Variants in LRFN5 observed in about 807,000 individuals in gnomAD.
LRFN5 encodes leucine-rich repeat and fibronectin type-III domain-containing protein 5.
LRFN5 carries 24 observed loss-of-function variants against 45.6 expected under a neutral mutation model. That is an observed-to-expected ratio of 0.53 (90% CI 0.38 to 0.74). The LOEUF (loss-of-function observed/expected upper bound fraction) is 0.74. LRFN5 is among the 30% of genes least tolerant of loss of function. The pLI is 0.00. For missense variants in LRFN5, 776 were observed against 861.5 expected, an observed-to-expected ratio of 0.90 and a Z score of 1.24; for synonymous variants, 340 against 313.8, an observed-to-expected ratio of 1.08 and a Z score of -0.88.
intron 1 of LRFN5, among the ~76,000 whole-genome samples, chr14:41,708,566 A>G (rs1883158447): frequency 6.6e-6 from 1 of 152,062 alleles, no homozygotes; most frequent in Non-Finnish European, 1.5e-5. Flanking sequence ...CAAGATTCAA[A>G]TAAATTCCAA....
intron 2 of LRFN5, among the ~76,000 whole-genome samples, chr14:41,833,559 C>T (rs1393452918): frequency 6.6e-6 from 1 of 152,184 alleles, no homozygotes; most frequent in African/African-American, 2.4e-5. Context: ...GCCTGCTGAG[C>T]AGAGTTTCCT....
At chr14:41,739,179 A>G (rs370947366) in intron 1 of LRFN5, among the ~76,000 whole-genome samples, 7 of 152,280 alleles carry the variant, frequency 4.6e-5, no homozygotes, top group African/African-American at 1.7e-4. Context: ...TGAACTCAGG[A>G]GTCTGAGGCA....
chr14:41,831,846 A>T (rs2139034823), intron 2 of LRFN5, among the ~76,000 whole-genome samples: 1 of 152,190 alleles, frequency 6.6e-6, no homozygotes, highest in Middle Eastern at 3.4e-3. Context: ...GCTTTTATAT[A>T]TTACAATTCT....
At chr14:41,876,022 T>G (rs1204574247) in intron 2 of LRFN5, among the ~76,000 whole-genome samples, 6 of 152,106 alleles carry the variant, frequency 3.9e-5, no homozygotes, top group African/African-American at 1.4e-4. Context: ...TACATATGTA[T>G]ACATGTAAGG....
chr14:41,684,750 T>G (rs1388040996), intron 1 of LRFN5, among the ~76,000 whole-genome samples: 1 of 152,210 alleles, frequency 6.6e-6, no homozygotes, highest in Non-Finnish European at 1.5e-5. Context: ...GCAAAGGTAT[T>G]TTGAGTAATA....
chr14:41,889,060 C>T (rs1217177797), intron 3 of LRFN5, among the ~76,000 whole-genome samples: 1 of 145,530 alleles, frequency 6.9e-6, no homozygotes, highest in Non-Finnish European at 1.5e-5. Flanking sequence ...TATATATATA[C>T]ACACATATAG....
At chr14:41,648,737 C>G (rs1264805340) in intron 1 of LRFN5, among the ~76,000 whole-genome samples, 1 of 152,024 alleles carries the variant, frequency 6.6e-6, no homozygotes, top group Non-Finnish European at 1.5e-5. Context: ...ACCTCCCCTC[C>G]ACTCCGCCCT....
chr14:41,879,090 TA>T (rs1890284951), intron 2 of LRFN5, among the ~76,000 whole-genome samples: 1 of 152,110 alleles, frequency 6.6e-6, no homozygotes. Context: ...GTCCAGATTT[TA>T]TTGTACACTT....
At chr14:41,870,543 G>T (rs1889983903) in intron 2 of LRFN5, among the ~76,000 whole-genome samples, 1 of 152,086 alleles carries the variant, frequency 6.6e-6, no homozygotes, top group Admixed American at 6.6e-5. Flanking sequence ...AAAACCATCA[G>T]GTTTCTTGAG....
chr14:41,736,445 A>AT (rs1436397561), intron 1 of LRFN5, among the ~76,000 whole-genome samples: 2 of 151,542 alleles, frequency 1.3e-5, no homozygotes, highest in South Asian at 2.1e-4. Flanking sequence ...CCACTTTTTG[A>AT]TTTTTTTTCT....
chr14:41,612,457 A>T (rs1338542289), intron 1 of LRFN5, among the ~76,000 whole-genome samples: 2 of 152,176 alleles, frequency 1.3e-5, no homozygotes, highest in Non-Finnish European at 2.9e-5. Context: ...TGTATGTAGT[A>T]TAATGAATTT....
chr14:41,705,754 C>A (rs1193165597), intron 1 of LRFN5, among the ~76,000 whole-genome samples: 1 of 152,120 alleles, frequency 6.6e-6, no homozygotes, highest in Admixed American at 6.5e-5. Flanking sequence ...ACAGGGTTTA[C>A]ACATTTATAG....
chr14:41,854,641 T>C (rs1165376498), intron 2 of LRFN5, among the ~76,000 whole-genome samples: 1 of 152,090 alleles, frequency 6.6e-6, no homozygotes, highest in African/African-American at 2.4e-5. Context: ...CTCAAGAAAA[T>C]AGGTTGGTCT....
chr14:41,885,549 CTTGTTGAACATACTG>C (rs1890538218), intron 2 of LRFN5, among the ~76,000 whole-genome samples: 1 of 151,946 alleles, frequency 6.6e-6, no homozygotes, highest in South Asian at 2.1e-4. Flanking sequence ...AATATAATAT[CTTGTTGAACATACTG>C]TTAAGTGAAA....
chr14:41,860,891 T>C (rs1384555503), intron 2 of LRFN5, among the ~76,000 whole-genome samples: 1 of 152,162 alleles, frequency 6.6e-6, no homozygotes, highest in Non-Finnish European at 1.5e-5. Flanking sequence ...TCTGCAAATT[T>C]AAACAAAATG....
In LRFN5 at chr14:41,871,664, A is replaced by AAGC. The variant is rs569645560; in HGVS notation, c.-20-14938_-20-14936dup. 1.7e-3 allele frequency among the ~76,000 whole-genome samples: 265 copies of AAGC among 152,234 alleles called. 2 individuals carry two copies. Among genetic ancestry groups the AAGC allele is most frequent in the Middle Eastern group, 6.8e-3 (2 of 294 alleles). The stretch of plus-strand genomic sequence containing the variant: ...AAATAGCACATACTTATTGTTTGCA[A>AAGC]AGCAGCCGTATCTATCCATTATATC... On this transcript the variant is annotated intron_variant, in intron 2 of 5. Coordinates refer to ENST00000298119, the MANE Select transcript of LRFN5 (RefSeq NM_152447.5).
intron 1 of LRFN5, among the ~76,000 whole-genome samples, chr14:41,681,831 T>TTTTATTTA (rs1881908109): frequency 2.0e-5 from 3 of 146,924 alleles, no homozygotes; most frequent in East Asian, 2.0e-4. Flanking sequence ...TTTATTTTTT[T>TTTTATTTA]TTTTTGTGAT....
chr14:41,763,647 T>C (rs1204664304), intron 1 of LRFN5, among the ~76,000 whole-genome samples: 1 of 152,098 alleles, frequency 6.6e-6, no homozygotes, highest in Admixed American at 6.6e-5. Context: ...ATAAGTCTCA[T>C]AAGATGTAAT....
intron 1 of LRFN5, among the ~76,000 whole-genome samples, chr14:41,641,107 G>A (rs1443260202): frequency 6.6e-6 from 1 of 152,024 alleles, no homozygotes; most frequent in Non-Finnish European, 1.5e-5. Flanking sequence ...CATGAACTGT[G>A]GGCAGATAAA....
Sources: allele counts gnomAD v4.1 joint callset (sites outside exome capture counted in the v4.1 genomes callset), GRCh38; gene constraint gnomAD v4.1.1; transcripts MANE v1.5; gene names NCBI Gene and HGNC (gene_info 2026-07-23, HGNC 2026-07-21).